CNOT4: variants seen among roughly 807,000 people sequenced by gnomAD.
CNOT4 encodes CCR4-NOT transcription complex subunit 4, also known as CCR4-associated factor 4.
A neutral mutation model predicts 73.8 loss-of-function variants in CNOT4; 8 were observed. The observed-to-expected ratio is 0.11, with a 90% CI of 0.06 to 0.20. The LOEUF is 0.20. Among genes scored for constraint, CNOT4 ranks in the 10% least tolerant of loss-of-function variants. The pLI is 1.00. For synonymous variants in CNOT4, 293 were observed against 321.1 expected (o/e 0.91, Z 0.94); for missense variants, 564 against 883.4 (o/e 0.64, Z 4.58).
intron 1 of CNOT4, among the ~76,000 whole-genome samples, chr7:135,496,616 C>G (rs1378640459): frequency 1.3e-5 from 2 of 151,454 alleles, no homozygotes; most frequent in East Asian, 3.9e-4. Flanking sequence ...CAACACTATC[C>G]TGAATCTTCC....
chr7:135,445,056 A>C, intron 1 of CNOT4: 1 of 776,466 alleles, frequency 1.3e-6, no homozygotes, highest in East Asian at 2.5e-5. Context: ...TTCTTCTCTT[A>C]ATCACAAGGT....
At chr7:135,426,602 C>CAAA (rs35332719) in intron 2 of CNOT4, among the ~76,000 whole-genome samples, 1 of 111,022 alleles carries the variant, frequency 9.0e-6, no homozygotes, top group Non-Finnish European at 1.8e-5. Context: ...GACTCCGTCT[C>CAAA]AAAAAAAAAA....
At chr7:135,466,046 C>G (rs1407875563) in intron 1 of CNOT4, among the ~76,000 whole-genome samples, 1 of 151,544 alleles carries the variant, frequency 6.6e-6, no homozygotes, top group Non-Finnish European at 1.5e-5. Flanking sequence ...GAGACTCCAT[C>G]TCAAATAATA....
At chr7:135,470,913 C>T (rs1366347231) in intron 1 of CNOT4, among the ~76,000 whole-genome samples, 4 of 152,130 alleles carry the variant, frequency 2.6e-5, no homozygotes, top group Non-Finnish European at 5.9e-5. Context: ...TACACAGGTG[C>T]ATGCATTTGT....
intron 7 of CNOT4, among the ~76,000 whole-genome samples, chr7:135,407,852 C>T (rs1797380318): frequency 1.3e-5 from 2 of 152,160 alleles, no homozygotes; most frequent in South Asian, 4.1e-4. Flanking sequence ...TAAATTCTTC[C>T]AATACTGATT....
intron 1 of CNOT4, among the ~76,000 whole-genome samples, chr7:135,506,141 T>C (rs1188843829): frequency 1.3e-5 from 2 of 152,240 alleles, no homozygotes; most frequent in Admixed American, 6.5e-5. Flanking sequence ...TTGCAGATTT[T>C]TCCTAATATC....
intron 10 of CNOT4, among the ~76,000 whole-genome samples, chr7:135,377,116 T>C (rs914795876): frequency 2.0e-5 from 3 of 152,232 alleles, no homozygotes; most frequent in Non-Finnish European, 4.4e-5. Flanking sequence ...AATGTCTGTT[T>C]TTTAAAATAA....
chr7:135,414,861 T>A (rs1380159859), intron 4 of CNOT4, among the ~76,000 whole-genome samples: 8 of 152,156 alleles, frequency 5.3e-5, no homozygotes, highest in African/African-American at 1.9e-4. Flanking sequence ...GTTTTCAATA[T>A]CTGAAAATAT....
At chr7:135,507,997 TAG>T (rs1804487892) in intron 1 of CNOT4, among the ~76,000 whole-genome samples, 1 of 152,212 alleles carries the variant, frequency 6.6e-6, no homozygotes, top group South Asian at 2.1e-4. Context: ...TTTCTAACCT[TAG>T]TTTACATTTG....
At chr7:135,465,690 T>C (rs917366752) in intron 1 of CNOT4, among the ~76,000 whole-genome samples, 2 of 151,894 alleles carry the variant, frequency 1.3e-5, no homozygotes, top group African/African-American at 2.4e-5. Context: ...ATCCTGACCC[T>C]GTTTAGGTGT....
At chr7:135,432,611 T>C (rs1005698953) in intron 2 of CNOT4, among the ~76,000 whole-genome samples, 6 of 152,218 alleles carry the variant, frequency 3.9e-5, no homozygotes, top group African/African-American at 1.4e-4. Flanking sequence ...CTGTCATCCT[T>C]TCCCCAGGGG....
At chr7:135,471,682 T>C (rs1026284492) in intron 1 of CNOT4, among the ~76,000 whole-genome samples, 7 of 152,234 alleles carry the variant, frequency 4.6e-5, no homozygotes, top group Non-Finnish European at 8.8e-5. Context: ...AAGTAAACTA[T>C]TGACCCATAC....
At chr7:135,374,821 A>C (rs961374950) in intron 10 of CNOT4, among the ~76,000 whole-genome samples, 1 of 152,224 alleles carries the variant, frequency 6.6e-6, no homozygotes, top group Non-Finnish European at 1.5e-5. Flanking sequence ...AGATTTTTAA[A>C]AATGCATTTG....
At chr7:135,462,781 T>C (rs368740713) in intron 1 of CNOT4, among the ~76,000 whole-genome samples, 16 of 152,220 alleles carry the variant, frequency 1.1e-4, no homozygotes, top group East Asian at 3.8e-4. Flanking sequence ...TCTATAGACC[T>C]GAGCTTCGGT....
At chr7:135,389,157 C>CAAAAAAAAA (rs11292254) in intron 10 of CNOT4, among the ~76,000 whole-genome samples, 2 of 83,670 alleles carry the variant, frequency 2.4e-5, no homozygotes, top group African/African-American at 8.9e-5. Flanking sequence ...AACATACTAC[C>CAAAAAAAAA]AAAAAAAAAA....
chr7:135,458,785 T>C (rs777163670), intron 1 of CNOT4, among the ~76,000 whole-genome samples: 4 of 152,060 alleles, frequency 2.6e-5, no homozygotes, highest in Non-Finnish European at 5.9e-5. Context: ...CTTCTAATTC[T>C]AGTCATCTTG....
At chr7:135,501,582 T>C (rs536850425) in intron 1 of CNOT4, among the ~76,000 whole-genome samples, 2 of 152,310 alleles carry the variant, frequency 1.3e-5, no homozygotes, top group East Asian at 3.9e-4. Flanking sequence ...CCCCAAAATA[T>C]GCTGCACACT....
intron 10 of CNOT4, among the ~76,000 whole-genome samples, chr7:135,373,148 G>A (rs1039185332): frequency 2.6e-5 from 4 of 152,032 alleles, no homozygotes; most frequent in African/African-American, 7.2e-5. Context: ...TAATTCTTAC[G>A]GATTAAAGTC....
intron 1 of CNOT4, among the ~76,000 whole-genome samples, chr7:135,439,127 T>A (rs1799328290): frequency 6.6e-6 from 1 of 152,186 alleles, no homozygotes; most frequent in South Asian, 2.1e-4. Context: ...ACTTTTTAGA[T>A]TATAGGGAGT....
Sources: allele counts gnomAD v4.1 joint callset (sites outside exome capture counted in the v4.1 genomes callset), GRCh38; gene constraint gnomAD v4.1.1; transcripts MANE v1.5; gene names NCBI Gene and HGNC (gene_info 2026-07-23, HGNC 2026-07-21).